The following CNTNAP4 variants were observed in gnomAD, a reference collection of about 807,000 sequenced individuals.
The protein encoded by CNTNAP4 is contactin associated protein family member 4.
A neutral mutation model predicts 148.4 loss-of-function variants in CNTNAP4; 98 were observed. The observed-to-expected ratio is 0.66, with a 90% CI of 0.56 to 0.78. The LOEUF is 0.78. Among genes scored for constraint, CNTNAP4 ranks in the 30% least tolerant of loss-of-function variants. The probability of loss-of-function intolerance (pLI) is 0.00; values close to 1 mark genes in which losing one functional copy is unlikely to be tolerated. For synonymous variants in CNTNAP4, 730 were observed against 565.1 expected (o/e 1.29, Z -4.14); for missense variants, 1,935 against 1,565.6 (o/e 1.24, Z -3.98).
Position 76,417,305 on chromosome 16 carries a change from T to C in CNTNAP4, c.391-10147T>C, listed in dbSNP as rs1169503183. On this transcript the variant is annotated intron_variant, in intron 3 of 23. Coordinates refer to ENST00000611870, the MANE Select transcript of CNTNAP4 (RefSeq NM_033401.5). ...TTTGCCCCATTTTAAGTTCCTTATCTGATTTTAATTGAAAATTTTTTTATG... is the reference window on the plus strand; with the variant it reads ...TTTGCCCCATTTTAAGTTCCTTATCCGATTTTAATTGAAAATTTTTTTATG... Among the ~76,000 whole-genome samples the C allele has an allele frequency of 7.3e-5, 11 of 151,520 alleles. No homozygotes were observed. The Admixed American group carries it at 7.3e-4, about 10-fold the overall frequency.
chr16:76,400,914 A>G (rs569707835), intron 3 of CNTNAP4, among the ~76,000 whole-genome samples: 29 of 152,184 alleles, frequency 1.9e-4, no homozygotes, highest in African/African-American at 6.7e-4. Context: ...GTTTGATACC[A>G]TTACCATGGT....
intron 2 of CNTNAP4, among the ~76,000 whole-genome samples, chr16:76,318,179 T>G (rs1962008851): frequency 6.6e-6 from 1 of 152,180 alleles, no homozygotes; most frequent in African/African-American, 2.4e-5. Flanking sequence ...ATTCTGTGCT[T>G]CTTTATAGAG....
chr16:76,459,250 A>C (rs1043008675), intron 8 of CNTNAP4, among the ~76,000 whole-genome samples: 3 of 152,194 alleles, frequency 2.0e-5, no homozygotes, highest in Non-Finnish European at 2.9e-5. Context: ...GCACTGGATG[A>C]CAAATCTAGG....
At chr16:76,389,677 G>A (rs2016800580) in intron 3 of CNTNAP4, among the ~76,000 whole-genome samples, 1 of 151,922 alleles carries the variant, frequency 6.6e-6, no homozygotes, top group South Asian at 2.1e-4. Flanking sequence ...GTCCAGGCTG[G>A]TCTTGAACTC....
At chr16:76,299,004 T>A (rs1396523679) in intron 1 of CNTNAP4, among the ~76,000 whole-genome samples, 2 of 152,130 alleles carry the variant, frequency 1.3e-5, no homozygotes, top group Non-Finnish European at 2.9e-5. Context: ...TCAAGATGGA[T>A]TAAAGACTTA....
intron 3 of CNTNAP4, among the ~76,000 whole-genome samples, chr16:76,401,493 A>T (rs969346220): frequency 1.3e-5 from 2 of 152,194 alleles, no homozygotes; most frequent in African/African-American, 4.8e-5. Flanking sequence ...ATCTGCAAAC[A>T]GGGATAGTTT....
intron 3 of CNTNAP4, among the ~76,000 whole-genome samples, chr16:76,403,118 A>T (rs1363121670): frequency 1.3e-5 from 2 of 150,778 alleles, no homozygotes; most frequent in Non-Finnish European, 2.9e-5. Context: ...TTTGAGACGA[A>T]GTCTCGCTCT....
intron 3 of CNTNAP4, among the ~76,000 whole-genome samples, chr16:76,392,237 G>C (rs2078048317): frequency 6.6e-6 from 1 of 152,070 alleles, no homozygotes; most frequent in Non-Finnish European, 1.5e-5. Flanking sequence ...CAAGTGATCT[G>C]CCTGCCTTGG....
chr16:76,391,676 T>G (rs772650526), intron 3 of CNTNAP4, among the ~76,000 whole-genome samples: 7 of 152,250 alleles, frequency 4.6e-5, no homozygotes, highest in African/African-American at 1.4e-4. Flanking sequence ...CCAGGAACAG[T>G]GTTGTAAGGA....
intron 4 of CNTNAP4, among the ~76,000 whole-genome samples, chr16:76,435,948 T>C (rs139530317): frequency 6.6e-6 from 1 of 152,244 alleles, no homozygotes; most frequent in East Asian, 1.9e-4. Flanking sequence ...ATCCCTGTTC[T>C]CCAGATTTCT....
intron 4 of CNTNAP4, among the ~76,000 whole-genome samples, chr16:76,434,661 T>C (rs533265387): frequency 6.6e-6 from 1 of 152,332 alleles, no homozygotes; most frequent in African/African-American, 2.4e-5. Flanking sequence ...GGATGTGATA[T>C]TGTTTTTCAT....
chr16:76,547,356 T>G (rs1490745388), intron 21 of CNTNAP4, among the ~76,000 whole-genome samples: 1 of 152,158 alleles, frequency 6.6e-6, no homozygotes, highest in Non-Finnish European at 1.5e-5. Context: ...TGCCCACATT[T>G]TGAATAATGA....
intron 1 of CNTNAP4, among the ~76,000 whole-genome samples, chr16:76,314,542 T>C (rs775558737): frequency 6.6e-6 from 1 of 152,194 alleles, no homozygotes; most frequent in Non-Finnish European, 1.5e-5. Context: ...TTTTCTTAAC[T>C]ACTACATTTT....
rs372219604 is a variant in CNTNAP4, at chr16:76,437,637, C to T, written c.538+10038C>T. Among the ~76,000 whole-genome samples, 472 of 152,126 alleles carry T rather than the reference C, an allele frequency of 3.1e-3. 3 individuals are homozygous for T. Among genetic ancestry groups the T allele is most frequent in the African/African-American group, 0.01 (432 of 41,512 alleles). On this transcript the variant is annotated intron_variant, in intron 4 of 23. Transcript: ENST00000611870. ...TGATCACCTATGAGAGACATAAAGACCCAACTCCTTATTTTGAAAACTAAT... is the reference window on the plus strand; with the variant it reads ...TGATCACCTATGAGAGACATAAAGATCCAACTCCTTATTTTGAAAACTAAT...
intron 1 of CNTNAP4, among the ~76,000 whole-genome samples, chr16:76,292,870 C>G (rs1355707986): frequency 1.3e-5 from 2 of 152,186 alleles, no homozygotes; most frequent in Non-Finnish European, 2.9e-5. Flanking sequence ...AATGAGAAGT[C>G]TGTTTCCATT....
intron 4 of CNTNAP4, among the ~76,000 whole-genome samples, chr16:76,436,853 C>T (rs1324248291): frequency 6.6e-6 from 1 of 152,058 alleles, no homozygotes; most frequent in African/African-American, 2.4e-5. Flanking sequence ...CAGCCAACTC[C>T]AGAAACCCCA....
intron 15 of CNTNAP4, among the ~76,000 whole-genome samples, chr16:76,512,455 T>C (rs913194566): frequency 1.3e-5 from 2 of 152,094 alleles, no homozygotes; most frequent in Non-Finnish European, 2.9e-5. Context: ...TGAATTGTTG[T>C]AGTTTGCAAA....
chr16:76,442,893 G>A lies in CNTNAP4; in HGVS notation c.539-5119G>A, dbSNP rs770819366. Among the ~76,000 whole-genome samples the A allele has an allele frequency of 2.0e-5, 3 of 152,120 alleles. No individual in the cohort carries two copies. In the South Asian group the frequency reaches 6.2e-4, roughly 32 times the overall value. On this transcript the variant is annotated intron_variant, in intron 4 of 23. Coordinates refer to ENST00000611870, the MANE Select transcript of CNTNAP4 (RefSeq NM_033401.5). ...GAAAATAATATACTTGCTCAAGTTT[G>A]AGTGAGTATTCAAACCAGCACAGAC...
At chr16:76,358,176 A>G (rs1345868799) in intron 3 of CNTNAP4, among the ~76,000 whole-genome samples, 3 of 152,178 alleles carry the variant, frequency 2.0e-5, no homozygotes, top group African/African-American at 7.2e-5. Flanking sequence ...GCTACTAAAA[A>G]TACAAAAAAG....
Sources: allele counts gnomAD v4.1 joint callset (sites outside exome capture counted in the v4.1 genomes callset), GRCh38; gene constraint gnomAD v4.1.1; transcripts MANE v1.5; gene names NCBI Gene and HGNC (gene_info 2026-07-23, HGNC 2026-07-21).